APTX: variants seen among roughly 807,000 people sequenced by gnomAD.
APTX encodes the protein aprataxin.
A neutral mutation model predicts 42.3 loss-of-function variants in APTX; 33 were observed. That is an observed-to-expected ratio of 0.78 (90% CI 0.59 to 1.04). The LOEUF is 1.04. Ranked by LOEUF, APTX falls within the 50% of genes least tolerant of loss-of-function variation. The pLI is 0.00. For missense variants in APTX, 421 were observed against 415.1 expected, an observed-to-expected ratio of 1.01 and a Z score of -0.12; for synonymous variants, 130 against 146.7, an observed-to-expected ratio of 0.89 and a Z score of 0.82.
rs1301538770 is a variant in APTX, at chr9:32,973,171, C to A, written c.*327G>T. The A allele has an allele frequency of 2.0e-6, 1 of 487,910 alleles. No homozygotes were observed. Among genetic ancestry groups the A allele is most frequent in the Non-Finnish European group, 4.0e-6 (1 of 249,362 alleles). 30.2% of individuals were successfully genotyped at this position (487,910 alleles called of 1,614,324 possible). A position where few individuals can be genotyped will look rare whatever the true frequency, so the allele number is the denominator to read the frequency against. ...CTAAGAAACAGAAATGTATAACCAG[C>A]CCAATGCTTCCATACTCTGCATTAG... On this transcript the variant is annotated 3_prime_UTR_variant, in exon 8 of 8. Coordinates refer to ENST00000379817, the MANE Select transcript of APTX (RefSeq NM_001195248.2).
Position 33,018,333 on chromosome 9 carries a change from C to T in APTX, c.-5+6690G>A, listed in dbSNP as rs114886319. 4.4e-3 allele frequency among the ~76,000 whole-genome samples: 669 copies of T among 151,756 alleles called. 5 individuals are homozygous for T. Among genetic ancestry groups the T allele is most frequent in the African/African-American group, 0.015 (641 of 41,430 alleles). ...CACCATCTCTACTACGATGGAAGGC[C>T]GAGGTGGGCGGATCACCTGAGGTCA... On this transcript the variant is annotated intron_variant, in intron 1 of 6. Transcript: ENST00000436040.
intron 1 of APTX, among the ~76,000 whole-genome samples, chr9:33,009,661 C>T (rs1837399409): frequency 6.6e-6 from 1 of 151,964 alleles, no homozygotes; most frequent in Non-Finnish European, 1.5e-5. Context: ...TGCCCGTGAT[C>T]CCAGCTACTT....
chr9:33,015,370 CTTTTT>C (rs778646389), intron 1 of APTX, among the ~76,000 whole-genome samples: 3 of 151,954 alleles, frequency 2.0e-5, no homozygotes, highest in Non-Finnish European at 4.4e-5. Flanking sequence ...TTTTTCTTTT[CTTTTT>C]TTGAGACGGA....
At chr9:33,019,867 G>A in intron 1 of APTX, 1 of 634,498 alleles carries the variant, frequency 1.6e-6, no homozygotes, top group South Asian at 1.9e-5. Flanking sequence ...CCACCCTTTG[G>A]TGGGGTTCGG....
rs543029196 is a variant in APTX, at chr9:33,019,691, C to T, written c.-5+5332G>A. 9 of 494,546 alleles carry T rather than the reference C, an allele frequency of 1.8e-5. No individual in the cohort carries two copies. In the African/African-American group the frequency reaches 1.8e-4, roughly 10 times the overall value. 30.6% of individuals were successfully genotyped at this position (494,546 alleles called of 1,614,324 possible). Reference sequence around the variant, plus strand: ...CAAGGTTAGACCTCGCCCCATTTTCCCAGGCCAGGCTTAGCGGGAAACTGG... The same window carrying T: ...CAAGGTTAGACCTCGCCCCATTTTCTCAGGCCAGGCTTAGCGGGAAACTGG... On this transcript the variant is annotated intron_variant, in intron 1 of 6. Coordinates refer to the APTX transcript ENST00000436040.
chr9:32,988,368 G>A (rs1018584224), intron 2 of APTX, among the ~76,000 whole-genome samples: 1 of 152,118 alleles, frequency 6.6e-6, no homozygotes, highest in Non-Finnish European at 1.5e-5. Flanking sequence ...CTTAGCTATT[G>A]CCAAGATCCC....
upstream of APTX, chr9:33,001,652 T>G (rs757343988): frequency 1.4e-5 from 22 of 1,610,688 alleles, no homozygotes; most frequent in Admixed American, 2.8e-4. Flanking sequence ...AGAGGCCGGC[T>G]GTATCGCGAC....
At position 32,987,664 on chromosome 9, in the gene APTX, ACT is replaced by A; in HGVS notation, c.361_362del (p.Ser121Ter). On this transcript the variant is annotated frameshift_variant, in exon 4 of 8. Coordinates refer to ENST00000379817, the MANE Select transcript of APTX (RefSeq NM_001195248.2). LOFTEE classifies it high-confidence loss of function. ...GAGCAGCATCCCTTTCTATAGAATCACTGTTGCCTGATCTCTTTCTCTTCCTG... is the reference window on the plus strand; with the variant it reads ...GAGCAGCATCCCTTTCTATAGAATCAGTTGCCTGATCTCTTTCTCTTCCTG... Reference protein sequence around the residue: ...THRKRKRSGNSDSIERDAAQE... With the variant: ...THRKRKRSGNXDSIERDAAQE... 1 of 1,614,078 alleles carries A rather than the reference ACT, an allele frequency of 6.2e-7. No individual in the cohort carries two copies. Among genetic ancestry groups the A allele is most frequent in the Non-Finnish European group, 8.5e-7 (1 of 1,180,018 alleles).
chr9:33,001,431 A>C, intron 1 of APTX, 136 bp downstream of exon 1: 1 of 1,549,122 alleles, frequency 6.5e-7, no homozygotes, highest in Non-Finnish European at 8.7e-7. Context: ...AGGACGGAGA[A>C]AGCAGCCGTG....
chr9:33,008,464 C>T (rs1406774090), intron 1 of APTX, among the ~76,000 whole-genome samples: 2 of 151,768 alleles, frequency 1.3e-5, no homozygotes, highest in Non-Finnish European at 2.9e-5. Flanking sequence ...TGGTCTCAAA[C>T]TGTTGGCCTC....
chr9:32,981,383 C>A (rs540494250), intron 6 of APTX, among the ~76,000 whole-genome samples: 1 of 152,142 alleles, frequency 6.6e-6, no homozygotes, highest in Admixed American at 6.6e-5. Context: ...TTTTCACATA[C>A]AAATAAAGGT....
chr9:33,013,054 A>G (rs1465080990), intron 1 of APTX, among the ~76,000 whole-genome samples: 1 of 152,220 alleles, frequency 6.6e-6, no homozygotes, highest in Non-Finnish European at 1.5e-5. Flanking sequence ...GACATATAGT[A>G]GGTACTCAAT....
At chr9:32,991,208 G>A (rs1165325244) in intron 1 of APTX, among the ~76,000 whole-genome samples, 1 of 152,152 alleles carries the variant, frequency 6.6e-6, no homozygotes, top group African/African-American at 2.4e-5. Context: ...TTACAGGCAT[G>A]AGCCACCGTG....
At chr9:33,011,782 C>T (rs1474748746) in intron 1 of APTX, among the ~76,000 whole-genome samples, 1 of 152,166 alleles carries the variant, frequency 6.6e-6, no homozygotes, top group African/African-American at 2.4e-5. Context: ...AAGGAGCTTT[C>T]AGTCTACTGA....
chr9:33,020,727 A>C (rs1587678044), intron 1 of APTX, among the ~76,000 whole-genome samples: 2 of 152,390 alleles, frequency 1.3e-5, no homozygotes, highest in Admixed American at 6.5e-5. Flanking sequence ...AAGAGCCTTC[A>C]AAACAAAATT....
At chr9:33,018,236 GA>G (rs1442833783) in intron 1 of APTX, among the ~76,000 whole-genome samples, 1 of 149,512 alleles carries the variant, frequency 6.7e-6, no homozygotes, top group Non-Finnish European at 1.5e-5. Context: ...TCAGCCTCCC[GA>G]GTAGCTGGGA....
At chr9:33,018,972 TATG>T (rs561574842) in intron 1 of APTX, among the ~76,000 whole-genome samples, 7 of 152,220 alleles carry the variant, frequency 4.6e-5, no homozygotes, top group Non-Finnish European at 8.8e-5. Context: ...ACTAAAGAGA[TATG>T]ATAACTCAAA....
intron 1 of APTX, among the ~76,000 whole-genome samples, chr9:32,996,628 T>A (rs1587557746): frequency 1.3e-5 from 2 of 152,268 alleles, no homozygotes; most frequent in African/African-American, 4.8e-5. Flanking sequence ...AAATCCTATT[T>A]AACTTTCAAG....
At chr9:32,989,141 TC>T (rs2118848774) in intron 2 of APTX, among the ~76,000 whole-genome samples, 1 of 152,274 alleles carries the variant, frequency 6.6e-6, no homozygotes, top group South Asian at 2.1e-4. Flanking sequence ...TTTGTATCCC[TC>T]CACTTAGATT....
Sources: gnomAD v4.1 joint callset for allele counts (sites outside exome capture counted in the v4.1 genomes callset) on GRCh38, gnomAD v4.1.1 for gene constraint, MANE v1.5 for transcripts, NCBI Gene and HGNC (gene_info 2026-07-23, HGNC 2026-07-21) for gene names.